The following LINGO2 variants were observed in gnomAD, a reference collection of about 807,000 sequenced individuals.
LINGO2 encodes the protein leucine-rich repeat and immunoglobulin-like domain-containing nogo receptor-interacting protein 2.
A neutral mutation model predicts 30.6 loss-of-function variants in LINGO2; 14 were observed. That is an observed-to-expected ratio of 0.46 (90% CI 0.30 to 0.72). The LOEUF (loss-of-function observed/expected upper bound fraction) is 0.72. LINGO2 is among the 30% of genes least tolerant of loss of function. The pLI is 0.07. For missense variants in LINGO2, 729 were observed against 751.7 expected (o/e 0.97, Z 0.35); for synonymous variants, 317 against 288.5 (o/e 1.10, Z -1.00).
the LINGO2 span, among the ~76,000 whole-genome samples, chr9:29,141,212 A>G: frequency 6.6e-6 from 1 of 152,054 alleles, no homozygotes; most frequent in Non-Finnish European, 1.5e-5. Flanking sequence ...AGAAGTATAA[A>G]AAAACTATAA....
chr9:28,610,987 C>A (rs897324672), intron 1 of LINGO2, among the ~76,000 whole-genome samples: 1 of 152,016 alleles, frequency 6.6e-6, no homozygotes, highest in African/African-American at 2.4e-5. Flanking sequence ...AAGTCAGATG[C>A]AGTAAATATT....
chr9:28,189,558 AG>A (rs1819708940), intron 4 of LINGO2, among the ~76,000 whole-genome samples: 1 of 47,832 alleles, frequency 2.1e-5, no homozygotes, highest in African/African-American at 9.9e-5. Context: ...GAAGGAAGGA[AG>A]GGAGGAAGGA....
chr9:28,140,616 A>G (rs1315825877), intron 4 of LINGO2, among the ~76,000 whole-genome samples: 1 of 152,210 alleles, frequency 6.6e-6, no homozygotes, highest in Non-Finnish European at 1.5e-5. Flanking sequence ...GCATGCCTTA[A>G]AATCCAAGTG....
At chr9:29,141,098 C>T in the LINGO2 span, among the ~76,000 whole-genome samples, 1 of 152,018 alleles carries the variant, frequency 6.6e-6, no homozygotes, top group African/African-American at 2.4e-5. Flanking sequence ...ATATTTGAAG[C>T]ATAGATTGCT....
At chr9:28,449,074 T>TGTGTGTGTGTG (rs74182509) in intron 2 of LINGO2, among the ~76,000 whole-genome samples, 7 of 137,610 alleles carry the variant, frequency 5.1e-5, no homozygotes, top group South Asian at 2.4e-4. Flanking sequence ...TGTGTGTGTG[T>TGTGTGTGTGTG]TGGGAAGGTA....
At chr9:28,454,067 A>C (rs1186450611) in intron 2 of LINGO2, among the ~76,000 whole-genome samples, 2 of 152,032 alleles carry the variant, frequency 1.3e-5, no homozygotes, top group Non-Finnish European at 2.9e-5. Context: ...ATCAGTCTTG[A>C]GTAATGAGAG....
chr9:28,954,292 C>A, the LINGO2 span, among the ~76,000 whole-genome samples: 1 of 152,126 alleles, frequency 6.6e-6, no homozygotes, highest in Non-Finnish European at 1.5e-5. Context: ...CAGTGTGCAA[C>A]TCAATTACAA....
At chr9:28,454,886 C>CA (rs967942967) in intron 2 of LINGO2, among the ~76,000 whole-genome samples, 1 of 151,932 alleles carries the variant, frequency 6.6e-6, no homozygotes, top group Non-Finnish European at 1.5e-5. Flanking sequence ...AATGAGTTAA[C>CA]AAAAAAATAC....
the LINGO2 span, among the ~76,000 whole-genome samples, chr9:28,901,357 C>T: frequency 1.3e-5 from 2 of 152,048 alleles, no homozygotes; most frequent in South Asian, 2.1e-4. Flanking sequence ...TAATTAGTAA[C>T]ACAAAACATA....
In LINGO2 at chr9:27,969,832, T is replaced by C. The variant is rs1479068038; in HGVS notation, c.-35-19126A>G. 2.6e-5 allele frequency among the ~76,000 whole-genome samples: 4 copies of C among 151,386 alleles called. No homozygotes were observed. The East Asian group carries it at 7.8e-4, about 29-fold the overall frequency. ...AGCTACTAGATCAAGGTCAGTTAGG[T>C]AGTGTGGCAGAACTAGGATTCCAAT... On this transcript the variant is annotated intron_variant, in intron 5 of 5. Transcript: ENST00000379992.
At chr9:28,396,301 G>GAT (rs1286947876) in intron 2 of LINGO2, among the ~76,000 whole-genome samples, 1 of 152,148 alleles carries the variant, frequency 6.6e-6, no homozygotes, top group African/African-American at 2.4e-5. Context: ...AGGAAACAGA[G>GAT]ATATATGGGA....
chr9:28,397,098 ATGAGTACT>A (rs1264100394), intron 2 of LINGO2, among the ~76,000 whole-genome samples: 1 of 152,010 alleles, frequency 6.6e-6, no homozygotes, highest in Non-Finnish European at 1.5e-5. Flanking sequence ...CAAGTAACTC[ATGAGTACT>A]TCCTTCCTAA....
intron 3 of LINGO2, among the ~76,000 whole-genome samples, chr9:28,349,771 G>A (rs1367154754): frequency 6.6e-6 from 1 of 151,232 alleles, no homozygotes; most frequent in African/African-American, 2.4e-5. Flanking sequence ...TACCCTCAAA[G>A]GGAAGCCCAT....
chr9:28,053,280 A>G (rs1824761964), intron 4 of LINGO2, among the ~76,000 whole-genome samples: 2 of 152,102 alleles, frequency 1.3e-5, no homozygotes, highest in African/African-American at 4.8e-5. Flanking sequence ...AGCAGCAGCA[A>G]CACAGGCTAA....
the LINGO2 span, among the ~76,000 whole-genome samples, chr9:29,018,977 A>G: frequency 8.1e-4 from 124 of 152,290 alleles, 3 homozygotes; most frequent in Middle Eastern, 0.02. Flanking sequence ...TTCACTGGTA[A>G]TCTTAGCTCA....
the LINGO2 span, among the ~76,000 whole-genome samples, chr9:28,819,115 C>T: frequency 6.6e-6 from 1 of 152,090 alleles, no homozygotes; most frequent in Non-Finnish European, 1.5e-5. Flanking sequence ...ATTAAAGGTC[C>T]TCAGCAGCCT....
At chr9:28,407,915 A>C (rs1303864791) in intron 2 of LINGO2, among the ~76,000 whole-genome samples, 1 of 152,134 alleles carries the variant, frequency 6.6e-6, no homozygotes, top group African/African-American at 2.4e-5. Context: ...AAAACTTGTA[A>C]AACAATGTGC....
At chr9:28,911,698 T>C in the LINGO2 span, among the ~76,000 whole-genome samples, 2 of 152,126 alleles carry the variant, frequency 1.3e-5, no homozygotes, top group Admixed American at 6.6e-5. Context: ...CACAGAATGT[T>C]GTTCTTCTAA....
the LINGO2 span, among the ~76,000 whole-genome samples, chr9:28,739,951 T>TA: frequency 0.3 from 41,467 of 139,708 alleles, 6,102 homozygotes; most frequent in African/African-American, 0.4. Flanking sequence ...TATATATATA[T>TA]TTTTTTTTTC....
Sources: allele counts gnomAD v4.1 joint callset (sites outside exome capture counted in the v4.1 genomes callset), GRCh38; gene constraint gnomAD v4.1.1; transcripts MANE v1.5; gene names NCBI Gene and HGNC (gene_info 2026-07-23, HGNC 2026-07-21).